The following LRPPRC variants were observed in gnomAD, a reference collection of about 807,000 sequenced individuals.
The protein encoded by LRPPRC is leucine rich pentatricopeptide repeat containing.
Under a neutral mutation model 180.3 loss-of-function variants are expected in LRPPRC, and 120 were observed. The ratio of observed to expected loss-of-function variants is 0.67; its 90% CI spans 0.57 to 0.77. LRPPRC has a LOEUF of 0.77. LRPPRC is among the 30% of genes least tolerant of loss of function. The pLI is 0.00. For missense variants in LRPPRC, 2,012 were observed against 1,657.2 expected (o/e 1.21, Z -3.72); for synonymous variants, 723 against 600.0 (o/e 1.21, Z -3.00).
At chr2:43,973,945 C>A (rs1004595027) in intron 9 of LRPPRC, 45 bp from the exon 10 acceptor site, 1 of 1,230,068 alleles carries the variant, frequency 8.1e-7, no homozygotes, top group East Asian at 2.3e-5. Flanking sequence ...GCAAACACCC[C>A]ACCGTTTGAC....
rs1263680048 is a variant in LRPPRC at position 43,995,642 on chromosome 2, C to G, written c.149+157G>C. 4 of 680,986 alleles carry G rather than the reference C, an allele frequency of 5.9e-6. No individual in the cohort carries two copies. In the African/African-American group the frequency reaches 7.6e-5, roughly 13 times the overall value. The allele number at this position is 680,986 out of a possible 1,614,324, so 42.2% of individuals were successfully genotyped here. ...GGCGCTTAACCCTGTCACCCGAAAACCCCTGGTAGGGAGCGTGGTGCGGAG... is the reference window on the plus strand; with the variant it reads ...GGCGCTTAACCCTGTCACCCGAAAAGCCCTGGTAGGGAGCGTGGTGCGGAG... On this transcript the variant is annotated intron_variant, in intron 1 of 37. Transcript: ENST00000260665.
intron 11 of LRPPRC, among the ~76,000 whole-genome samples, chr2:43,971,743 A>G (rs748493153): frequency 6.6e-6 from 1 of 152,028 alleles, no homozygotes; most frequent in Non-Finnish European, 1.5e-5. Flanking sequence ...TTGCACTAAT[A>G]AGAATGTTAC....
chr2:43,951,989 T>C (rs574144431), intron 14 of LRPPRC, among the ~76,000 whole-genome samples: 2 of 151,654 alleles, frequency 1.3e-5, no homozygotes, highest in Admixed American at 1.3e-4. Context: ...AGGTCGGGAG[T>C]TCAAGACCAG....
chr2:43,995,419 G>C (rs1291425081), intron 1 of LRPPRC, among the ~76,000 whole-genome samples: 1 of 152,166 alleles, frequency 6.6e-6, no homozygotes, highest in African/African-American at 2.4e-5. Context: ...GATCACCAAC[G>C]GTGACCGCAC....
intron 11 of LRPPRC, 31 bp from the exon 12 acceptor site, chr2:43,963,737 A>C: frequency 9.1e-7 from 1 of 1,104,648 alleles, no homozygotes; most frequent in South Asian, 1.2e-5. Context: ...GCACAGAGAT[A>C]GAGAACTTAG....
intron 13 of LRPPRC, among the ~76,000 whole-genome samples, chr2:43,958,028 G>GT (rs1418366791): frequency 6.6e-6 from 1 of 152,112 alleles, no homozygotes; most frequent in Non-Finnish European, 1.5e-5. Flanking sequence ...ACTTTTCTGA[G>GT]TATTTGTTTG....
intron 37 of LRPPRC, 137 bp downstream of exon 37, chr2:43,889,597 C>T (rs1444597147): frequency 2.6e-6 from 2 of 783,086 alleles, no homozygotes; most frequent in South Asian, 1.5e-5. Flanking sequence ...CTCAGTCCCT[C>T]AAGCCATCCC....
At chr2:43,890,284 A>AGAGG in intron 36 of LRPPRC, 1 of 460,352 alleles carries the variant, frequency 2.2e-6, no homozygotes, top group Non-Finnish European at 4.5e-6. Flanking sequence ...ACTGTTGTGG[A>AGAGG]GAGGGACATG....
chr2:43,925,617 G>T (rs1432141819), intron 26 of LRPPRC, among the ~76,000 whole-genome samples: 1 of 152,112 alleles, frequency 6.6e-6, no homozygotes, highest in African/African-American at 2.4e-5. Flanking sequence ...TTCCACTAAG[G>T]ACTAATGCAG....
chr2:43,930,765 G>C (rs1188026423), intron 25 of LRPPRC, among the ~76,000 whole-genome samples: 1 of 152,092 alleles, frequency 6.6e-6, no homozygotes, highest in Non-Finnish European at 1.5e-5. Flanking sequence ...TTTAAGGATG[G>C]GACCTCCTTT....
At chr2:43,916,152 A>G (rs924858576) in intron 29 of LRPPRC, among the ~76,000 whole-genome samples, 12 of 152,206 alleles carry the variant, frequency 7.9e-5, no homozygotes, top group Non-Finnish European at 1.8e-4. Context: ...TATCAATACT[A>G]AAATAAAAAA....
intron 1 of LRPPRC, among the ~76,000 whole-genome samples, chr2:43,995,590 C>A (rs967212900): frequency 6.6e-6 from 1 of 152,220 alleles, no homozygotes; most frequent in Admixed American, 6.5e-5. Context: ...CGGAGGCAGG[C>A]CATGCCCACA....
At chr2:43,921,504 A>C (rs1671698406) in intron 27 of LRPPRC, among the ~76,000 whole-genome samples, 2 of 143,104 alleles carry the variant, frequency 1.4e-5, no homozygotes, top group South Asian at 4.1e-4. Flanking sequence ...ATGTGAAACA[A>C]GTAAAGTATA....
intron 31 of LRPPRC, chr2:43,902,005 T>G (rs1670907678): frequency 6.4e-6 from 1 of 155,652 alleles, no homozygotes; most frequent in Non-Finnish European, 1.4e-5. Context: ...TGTTCCAAAC[T>G]GAAACATTGA....
At chr2:43,970,720 T>C (rs1010390729) in intron 11 of LRPPRC, among the ~76,000 whole-genome samples, 1 of 152,206 alleles carries the variant, frequency 6.6e-6, no homozygotes, top group African/African-American at 2.4e-5. Context: ...TGAACAACTT[T>C]CACCAACTAT....
At chr2:43,967,408 G>A (rs1054202800) in intron 11 of LRPPRC, among the ~76,000 whole-genome samples, 5 of 152,218 alleles carry the variant, frequency 3.3e-5, no homozygotes, top group African/African-American at 1.2e-4. Flanking sequence ...TAGAAAGACA[G>A]ATATAGATTT....
At chr2:43,918,217 G>A (rs369542241) in intron 28 of LRPPRC, 39 bp downstream of exon 28, 2 of 1,606,802 alleles carry the variant, frequency 1.2e-6, no homozygotes, top group African/African-American at 2.7e-5. Flanking sequence ...TAATTATACT[G>A]ACAACAAAAT....
chr2:43,893,473 C>T (rs1419487764), intron 36 of LRPPRC, among the ~76,000 whole-genome samples: 3 of 152,230 alleles, frequency 2.0e-5, no homozygotes, highest in Non-Finnish European at 1.5e-5. Context: ...CAGCCATCAA[C>T]ATTGAGCCAA....
At chr2:43,990,252 A>C (rs1032497423) in intron 1 of LRPPRC, among the ~76,000 whole-genome samples, 1 of 152,046 alleles carries the variant, frequency 6.6e-6, no homozygotes, top group African/African-American at 2.4e-5. Flanking sequence ...ATCTATTCTA[A>C]AGGTACCATT....
Sources: gnomAD v4.1 joint callset for allele counts (sites outside exome capture counted in the v4.1 genomes callset) on GRCh38, gnomAD v4.1.1 for gene constraint, MANE v1.5 for transcripts, NCBI Gene and HGNC (gene_info 2026-07-23, HGNC 2026-07-21) for gene names.